Variants in CANX observed in about 807,000 individuals in gnomAD.
CANX encodes the protein epididymis secretory sperm binding protein.
Under a neutral mutation model 75.7 loss-of-function variants are expected in CANX, and 14 were observed. That is an observed-to-expected ratio of 0.19 (90% CI 0.12 to 0.29). CANX has a LOEUF of 0.29. Among genes scored for constraint, CANX ranks in the 10% least tolerant of loss-of-function variants. The pLI, the probability that CANX is intolerant of heterozygous loss-of-function variation, is 1.00. For synonymous variants in CANX, 227 were observed against 236.9 expected, an observed-to-expected ratio of 0.96 and a Z score of 0.38; for missense variants, 567 against 713.2, an observed-to-expected ratio of 0.79 and a Z score of 2.34.
chr5:179,698,725 G>A (rs1274968266), upstream of CANX: 4 of 754,078 alleles, frequency 5.3e-6, no homozygotes, highest in Non-Finnish European at 7.8e-6. Context: ...ATCCAGCGTG[G>A]CCCGCCCCTC....
intron 7 of CANX, among the ~76,000 whole-genome samples, chr5:179,715,192 G>A (rs1382175930): frequency 6.6e-6 from 1 of 152,166 alleles, no homozygotes; most frequent in Non-Finnish European, 1.5e-5. Flanking sequence ...AGATATCTAG[G>A]TGTGGAATCT....
chr5:179,686,394 G>C (rs1333625701), intron 1 of CANX, among the ~76,000 whole-genome samples: 1 of 151,664 alleles, frequency 6.6e-6, no homozygotes, highest in Non-Finnish European at 1.5e-5. Context: ...CACCAAGCCC[G>C]GCCATCTTTT....
At chr5:179,681,383 C>T (rs1228986481) in intron 1 of CANX, among the ~76,000 whole-genome samples, 1 of 152,150 alleles carries the variant, frequency 6.6e-6, no homozygotes, top group Non-Finnish European at 1.5e-5. Flanking sequence ...AGAAGCAGAG[C>T]CTAAGCTGAG....
chr5:179,713,531 T>C (rs1777723190), intron 7 of CANX, among the ~76,000 whole-genome samples: 1 of 152,196 alleles, frequency 6.6e-6, no homozygotes, highest in Non-Finnish European at 1.5e-5. Context: ...AATTCTAATA[T>C]TTGATAGTAC....
At chr5:179,714,197 C>T (rs1405046242) in intron 7 of CANX, among the ~76,000 whole-genome samples, 1 of 152,164 alleles carries the variant, frequency 6.6e-6, no homozygotes, top group Non-Finnish European at 1.5e-5. Context: ...GTTGGGGTTT[C>T]ACCATGTTGG....
At chr5:179,706,816 G>A (rs919321030) in intron 3 of CANX, among the ~76,000 whole-genome samples, 19 of 152,114 alleles carry the variant, frequency 1.2e-4, no homozygotes, top group African/African-American at 3.4e-4. Context: ...TAGTCTTTTG[G>A]AATTTGTGGT....
At chr5:179,722,569 C>G (rs1185232857) in intron 10 of CANX, among the ~76,000 whole-genome samples, 1 of 152,174 alleles carries the variant, frequency 6.6e-6, no homozygotes, top group Non-Finnish European at 1.5e-5. Flanking sequence ...TTGGTTTGGA[C>G]CAAGGTCATG....
At chr5:179,718,664 G>T (rs1010365060) in intron 8 of CANX, among the ~76,000 whole-genome samples, 4 of 152,188 alleles carry the variant, frequency 2.6e-5, no homozygotes, top group Non-Finnish European at 4.4e-5. Context: ...GAGTAGCTGG[G>T]ATTACAGGCA....
At chr5:179,711,285 AGTGGCAT>A (rs1245930986) in intron 7 of CANX, among the ~76,000 whole-genome samples, 16 of 151,944 alleles carry the variant, frequency 1.1e-4, no homozygotes, top group African/African-American at 1.7e-4. Context: ...AACTGAGTAT[AGTGGCAT>A]GTGCCTGTAG....
At chr5:179,721,009 C>T (rs534391960) in intron 10 of CANX, among the ~76,000 whole-genome samples, 1 of 152,048 alleles carries the variant, frequency 6.6e-6, no homozygotes, top group African/African-American at 2.4e-5. Context: ...GTCTCGAACT[C>T]CTGACCTCGC....
At chr5:179,692,951 C>T (rs1198230650) in intron 1 of CANX, among the ~76,000 whole-genome samples, 2 of 151,646 alleles carry the variant, frequency 1.3e-5, no homozygotes, top group African/African-American at 2.4e-5. Context: ...TCAAGACCAG[C>T]CTGGCCAAGA....
At chr5:179,708,489 T>G in intron 5 of CANX, 109 bp downstream of exon 5, 1 of 996,456 alleles carries the variant, frequency 1.0e-6, no homozygotes, top group Non-Finnish European at 1.4e-6. Context: ...TAAGTGGTGG[T>G]AGGGATTTTT....
At chr5:179,727,521 GGCCAGTATGGTGAGTGGACA>G (rs1778740125) in intron 14 of CANX, among the ~76,000 whole-genome samples, 1 of 152,170 alleles carries the variant, frequency 6.6e-6, no homozygotes, top group African/African-American at 2.4e-5. Context: ...TTGTCTACAA[GGCCAGTATGGTGAGTGGACA>G]GAGAGAGTGG....
intron 1 of CANX, among the ~76,000 whole-genome samples, chr5:179,691,778 T>C (rs1213842114): frequency 6.6e-6 from 1 of 152,046 alleles, no homozygotes; most frequent in East Asian, 1.9e-4. Context: ...TTTTATTTAA[T>C]TAATTTATTT....
At chr5:179,712,564 A>C (rs1457176936) in intron 7 of CANX, among the ~76,000 whole-genome samples, 1 of 147,418 alleles carries the variant, frequency 6.8e-6, no homozygotes, top group African/African-American at 2.5e-5. Context: ...GATTACAGGC[A>C]TGTGCCACCA....
At chr5:179,723,578 T>C in intron 11 of CANX, 82 bp from the exon 12 acceptor site, 1 of 1,464,306 alleles carries the variant, frequency 6.8e-7, no homozygotes, top group Non-Finnish European at 9.4e-7. Flanking sequence ...TGCCATGCCA[T>C]AACTGAACTG....
upstream of CANX, chr5:179,698,356 G>A: frequency 8.8e-7 from 1 of 1,139,306 alleles, no homozygotes; most frequent in South Asian, 1.7e-5. Flanking sequence ...AGGCTGCGCA[G>A]GCTCCTGGGC....
intron 7 of CANX, among the ~76,000 whole-genome samples, chr5:179,711,162 AC>A (rs2113176427): frequency 6.6e-6 from 1 of 152,220 alleles, no homozygotes; most frequent in African/African-American, 2.4e-5. Context: ...GGTGGCCCAC[AC>A]CTGTAATCCT....
intron 1 of CANX, among the ~76,000 whole-genome samples, chr5:179,700,727 G>GT (rs1458485692): frequency 6.6e-6 from 1 of 152,310 alleles, no homozygotes; most frequent in Non-Finnish European, 1.5e-5. Context: ...CGTTGCTGCC[G>GT]TTTTGGCAAT....
Sources: allele counts gnomAD v4.1 joint callset (sites outside exome capture counted in the v4.1 genomes callset), GRCh38; gene constraint gnomAD v4.1.1; transcripts MANE v1.5; gene names NCBI Gene and HGNC (gene_info 2026-07-23, HGNC 2026-07-21).